TTLL4: variants seen among roughly 807,000 people sequenced by gnomAD.
TTLL4 encodes tubulin monoglutamylase TTLL4.
A neutral mutation model predicts 122.7 loss-of-function variants in TTLL4; 85 were observed. The observed-to-expected ratio is 0.69, with a 90% CI of 0.58 to 0.83. The LOEUF (loss-of-function observed/expected upper bound fraction) is 0.83. Among genes scored for constraint, TTLL4 ranks in the 40% least tolerant of loss-of-function variants. The probability of loss-of-function intolerance (pLI) is 0.00; values close to 1 mark genes in which losing one functional copy is unlikely to be tolerated. For synonymous variants in TTLL4, 553 were observed against 563.0 expected (o/e 0.98, Z 0.25); for missense variants, 1,363 against 1,488.6 (o/e 0.92, Z 1.39).
intron 5 of TTLL4, among the ~76,000 whole-genome samples, chr2:218,741,706 G>A (rs1161680365): frequency 6.6e-6 from 1 of 152,046 alleles, no homozygotes; most frequent in Non-Finnish European, 1.5e-5. Flanking sequence ...TATATATATT[G>A]GATATTGATT....
At chr2:218,752,383 A>G (rs1041923019) in intron 16 of TTLL4, among the ~76,000 whole-genome samples, 2 of 152,150 alleles carry the variant, frequency 1.3e-5, no homozygotes, top group Admixed American at 1.3e-4. Flanking sequence ...TTTCTCTGAG[A>G]GGCACAGTGA....
Position 218,748,724 on chromosome 2 carries a change from C to T in TTLL4, c.2502-112C>T, listed in dbSNP as rs553358513. The T allele has an allele frequency of 5.1e-4, 417 of 818,850 alleles. 2 individuals are homozygous for T. Among genetic ancestry groups the T allele is most frequent in the Non-Finnish European group, 7.0e-4 (370 of 526,980 alleles). 50.7% of individuals were successfully genotyped at this position (818,850 alleles called of 1,614,324 possible). A position where few individuals can be genotyped will look rare whatever the true frequency, so the allele number is the denominator to read the frequency against. ...TTCATCTCTTTCATAATTTAAACTG[C>T]GAAAGGAAGAGATATGAAGAAAATA... On this transcript the variant is annotated intron_variant, in intron 12 of 19. Coordinates refer to ENST00000392102, the MANE Select transcript of TTLL4 (RefSeq NM_014640.5).
intron 4 of TTLL4, 116 bp from the exon 5 acceptor site, chr2:218,740,405 T>C (rs901236321): frequency 3.4e-6 from 4 of 1,164,478 alleles, no homozygotes; most frequent in African/African-American, 3.0e-5. Flanking sequence ...GGGGTGGTGC[T>C]TGTGGCTCCC....
At chr2:218,759,108 G>T (rs1027250679), downstream of TTLL4, among the ~76,000 whole-genome samples, 1 of 152,148 alleles carries the variant, frequency 6.6e-6, no homozygotes, top group Non-Finnish European at 1.5e-5. Context: ...GCTGGGCATG[G>T]TGGTGCATGC....
rs1273652791 is a variant in TTLL4, at chr2:218,747,521, G to A, written c.2250-76G>A. The A allele has an allele frequency of 4.4e-6, 7 of 1,589,558 alleles. No individual in the cohort carries two copies. The highest frequency in any genetic ancestry group is 5.1e-6 in the Non-Finnish European group (6 of 1,167,032). On this transcript the variant is annotated intron_variant, in intron 10 of 19. Coordinates refer to ENST00000392102, the MANE Select transcript of TTLL4 (RefSeq NM_014640.5). The surrounding 1 kb of genome is among the most constrained non-coding windows in gnomAD (Gnocchi z 4.7). ...GTCTTTATCTTGGGGACTGTTAGCT[G>A]GCTTTTCCTGTGGCTTGGTTACCCA... is the stretch of plus-strand genomic sequence containing the variant.
intron 1 of TTLL4, among the ~76,000 whole-genome samples, chr2:218,716,316 T>C (rs1167442622): frequency 6.6e-6 from 1 of 152,236 alleles, no homozygotes; most frequent in Non-Finnish European, 1.5e-5. Context: ...CATTCATTCT[T>C]TCAAGTAAAC....
At chr2:218,753,214 CCTT>C (rs1475672056) in intron 18 of TTLL4, 29 bp downstream of exon 18, 1 of 1,612,636 alleles carries the variant, frequency 6.2e-7, no homozygotes, top group Non-Finnish European at 8.5e-7. Flanking sequence ...GAGGACAGCT[CCTT>C]CTCAGGCCCC....
chr2:218,753,200 T>G lies in TTLL4; in HGVS notation c.3258+15T>G, dbSNP rs186442973. The G allele has an allele frequency of 2.5e-6, 4 of 1,613,874 alleles. No homozygotes were observed. Among genetic ancestry groups the G allele is most frequent in the Non-Finnish European group, 3.4e-6 (4 of 1,179,922 alleles). ...CTGCTCCAGTGGTGAGTGCTGCCAG[T>G]GTGGAGGACAGCTCCTTCTCAGGCC... On this transcript the variant is annotated intron_variant, in intron 18 of 19. Transcript: ENST00000392102.
Position 218,740,597 on chromosome 2 carries a change from G to A in TTLL4, c.1661+13G>A. 6.2e-7 allele frequency: 1 copy of A among 1,613,764 alleles called. No homozygotes were observed. The highest frequency in any genetic ancestry group is 8.5e-7 in the Non-Finnish European group (1 of 1,179,672). ...CCATGATCTCTAGGTAAGTGTGGCT[G>A]TATAGATCATTGTTACATGCTCATC... On this transcript the variant is annotated intron_variant, in intron 5 of 19. Coordinates refer to ENST00000392102, the MANE Select transcript of TTLL4 (RefSeq NM_014640.5).
intron 17 of TTLL4, 56 bp downstream of exon 17, chr2:218,753,029 G>A (rs1395858607): frequency 1.9e-6 from 3 of 1,613,354 alleles, no homozygotes; most frequent in East Asian, 4.5e-5. Flanking sequence ...TTAAATCCCA[G>A]TATACCAAGA....
At chr2:218,736,442 A>G (rs1942525493) in intron 2 of TTLL4, 1 of 152,198 alleles carries the variant, frequency 6.6e-6, no homozygotes, top group Non-Finnish European at 1.5e-5. Context: ...ATTAAAGGAA[A>G]CACTGATTGA....
chr2:218,714,502 T>A (rs1333054477), intron 1 of TTLL4, among the ~76,000 whole-genome samples: 1 of 152,218 alleles, frequency 6.6e-6, no homozygotes, highest in Non-Finnish European at 1.5e-5. Flanking sequence ...AAGCTTTTCC[T>A]TTAATGCCTT....
At chr2:218,726,280 GCT>G (rs1460842958) in intron 1 of TTLL4, among the ~76,000 whole-genome samples, 2 of 152,036 alleles carry the variant, frequency 1.3e-5, no homozygotes, top group African/African-American at 4.8e-5. Flanking sequence ...ATGAATTGGA[GCT>G]CCCTTATATG....
chr2:218,736,449 T>C (rs1242376827), intron 2 of TTLL4: 1 of 152,238 alleles, frequency 6.6e-6, no homozygotes, highest in African/African-American at 2.4e-5. Context: ...GAAACACTGA[T>C]TGAGAAGATG....
chr2:218,733,198 C>T (rs949598648), intron 2 of TTLL4, among the ~76,000 whole-genome samples: 7 of 152,102 alleles, frequency 4.6e-5, no homozygotes, highest in Non-Finnish European at 1.0e-4. Context: ...TGCTATACTA[C>T]ACATCATGGG....
Position 218,747,393 on chromosome 2 carries a change from C to T in TTLL4, c.2249+21C>T. The T allele has an allele frequency of 6.2e-7, 1 of 1,611,420 alleles. No individual in the cohort carries two copies. Among genetic ancestry groups the T allele is most frequent in the Non-Finnish European group, 8.5e-7 (1 of 1,178,620 alleles). On this transcript the variant is annotated intron_variant, in intron 10 of 19. Transcript: ENST00000392102. The surrounding 1 kb of genome is among the most constrained non-coding windows in gnomAD (Gnocchi z 4.7). The stretch of plus-strand genomic sequence containing the variant: ...CAGAGGTGAGCCTGTAGCACATATC[C>T]CTTACCCCATCCTCCCACCTCCTTG...
At chr2:218,730,110 CTGTG>C (rs1336703442) in intron 2 of TTLL4, among the ~76,000 whole-genome samples, 2 of 151,922 alleles carry the variant, frequency 1.3e-5, no homozygotes, top group African/African-American at 4.8e-5. Flanking sequence ...CCTTTCCAAT[CTGTG>C]TATCTTTGAT....
At chr2:218,716,906 C>T (rs972675514) in intron 1 of TTLL4, among the ~76,000 whole-genome samples, 9 of 152,200 alleles carry the variant, frequency 5.9e-5, no homozygotes, top group African/African-American at 2.2e-4. Flanking sequence ...TTGATTCATG[C>T]TAAGTCACCA....
In TTLL4 at chr2:218,738,759, T is replaced by C; in HGVS notation, c.1083T>C (p.Ser361=). The change falls in exon 3 of 20, where the codon TCT becomes TCC. Residue 361 remains serine, a synonymous_variant. Transcript: ENST00000392102. ...MPRQGCQLEQ[S]SFLNPSFQWN... ...GGCAAGGCTGCCAGCTTGAACAGTC[T>C]AGTTTCCTGAACCCCAGCTTCCAGT... 1 of 1,614,114 alleles carries C rather than the reference T, an allele frequency of 6.2e-7. No homozygotes were observed. The highest frequency in any genetic ancestry group is 8.5e-7 in the Non-Finnish European group (1 of 1,179,958).
Sources: gnomAD v4.1 joint callset for allele counts (sites outside exome capture counted in the v4.1 genomes callset) on GRCh38, gnomAD v4.1.1 for gene constraint, Gnocchi (gnomAD v3.1) non-coding constraint, MANE v1.5 for transcripts, NCBI Gene and HGNC (gene_info 2026-07-23, HGNC 2026-07-21) for gene names.